ABCB5: variants seen among roughly 807,000 people sequenced by gnomAD.
ABCB5 encodes ATP binding cassette subfamily B member 5, also known as ATP-binding cassette sub-family B member 5.
A neutral mutation model predicts 144.2 loss-of-function variants in ABCB5; 155 were observed. That is an observed-to-expected ratio of 1.08 (90% CI 0.94 to 1.23). The LOEUF (loss-of-function observed/expected upper bound fraction) is 1.23. Ranked by LOEUF, ABCB5 falls within the 50% of genes most tolerant of loss-of-function variation. The pLI is 0.00. For missense variants in ABCB5, 1,830 were observed against 1,520.8 expected, an observed-to-expected ratio of 1.20 and a Z score of -3.38; for synonymous variants, 610 against 528.6, an observed-to-expected ratio of 1.15 and a Z score of -2.11.
chr7:20,670,183 A>G (rs1364327688), intron 14 of ABCB5, among the ~76,000 whole-genome samples: 1 of 152,234 alleles, frequency 6.6e-6, no homozygotes, highest in African/African-American at 2.4e-5. Context: ...TGGGGATCCT[A>G]GAACAGAAAA....
intron 25 of ABCB5, among the ~76,000 whole-genome samples, chr7:20,744,037 T>C (rs1782642773): frequency 6.6e-6 from 1 of 151,976 alleles, no homozygotes; most frequent in Admixed American, 6.6e-5. Context: ...GCTTTTTCTG[T>C]TTTTTGGGGG....
chr7:20,668,255 G>A (rs1267547636), intron 14 of ABCB5, among the ~76,000 whole-genome samples: 3 of 149,172 alleles, frequency 2.0e-5, no homozygotes, highest in South Asian at 2.2e-4. Flanking sequence ...CTGCCCGGCC[G>A]CCATCCCATC....
At position 20,704,628 on chromosome 7, in the gene ABCB5, G is replaced by A. The variant is rs59225988; in HGVS notation, c.2338-96G>A. ...GGAATTAAGTACCTGTGAGTGAGGA[G>A]GCAGGTAAATGTTTTCTGATTTACA... On this transcript the variant is annotated intron_variant, in intron 19 of 27. Transcript: ENST00000404938. 411 of 814,194 alleles carry A rather than the reference G, an allele frequency of 5.0e-4. 2 individuals are homozygous for A. The East Asian group carries it at 0.01, about 20-fold the overall frequency. The allele number at this position is 814,194 out of a possible 1,614,324, so 50.4% of individuals were successfully genotyped here. A position where few individuals can be genotyped will look rare whatever the true frequency, so the allele number is the denominator to read the frequency against.
intron 14 of ABCB5, among the ~76,000 whole-genome samples, chr7:20,678,142 A>T (rs534729461): frequency 2.6e-5 from 4 of 152,226 alleles, no homozygotes; most frequent in Non-Finnish European, 5.9e-5. Flanking sequence ...ATTTCTACAT[A>T]GGTGTCTTTT....
intron 2 of ABCB5, among the ~76,000 whole-genome samples, chr7:20,625,424 G>A (rs1783888266): frequency 1.3e-5 from 2 of 152,108 alleles, no homozygotes; most frequent in African/African-American, 4.8e-5. Context: ...TGTGAAATCA[G>A]TGGATACAAT....
intron 15 of ABCB5, among the ~76,000 whole-genome samples, chr7:20,684,557 T>C (rs1195604867): frequency 3.9e-5 from 6 of 151,936 alleles, no homozygotes; most frequent in African/African-American, 1.5e-4. Context: ...AGTTTAACAC[T>C]AGCTTGGGCA....
intron 14 of ABCB5, among the ~76,000 whole-genome samples, chr7:20,669,723 TAAAAA>T (rs35747177): frequency 1.1e-4 from 7 of 65,584 alleles, no homozygotes; most frequent in Non-Finnish European, 1.9e-4. Context: ...GAATGATCAA[TAAAAA>T]AAAAAAAAAA....
chr7:20,697,836 A>T (rs1384926838), intron 16 of ABCB5, among the ~76,000 whole-genome samples: 1 of 152,246 alleles, frequency 6.6e-6, no homozygotes, highest in African/African-American at 2.4e-5. Context: ...CCCCTTGGAA[A>T]AATGAGGAGA....
chr7:20,682,784 A>G (rs1434289983), intron 15 of ABCB5, among the ~76,000 whole-genome samples: 1 of 152,228 alleles, frequency 6.6e-6, no homozygotes, highest in Non-Finnish European at 1.5e-5. Flanking sequence ...CAGATGGACC[A>G]GAAAGCTCAT....
intron 22 of ABCB5, 32 bp from the exon 23 acceptor site, chr7:20,728,283 C>A: frequency 6.2e-7 from 1 of 1,607,218 alleles, no homozygotes; most frequent in Non-Finnish European, 8.5e-7. Context: ...ATAATTCATG[C>A]CTCATTATTT....
At chr7:20,676,745 G>A (rs1314734946) in intron 14 of ABCB5, among the ~76,000 whole-genome samples, 1 of 152,184 alleles carries the variant, frequency 6.6e-6, no homozygotes, top group Non-Finnish European at 1.5e-5. Context: ...TAGATCTCAT[G>A]TGAAGTGTTC....
In ABCB5 at chr7:20,667,615, G is replaced by A; in HGVS notation, c.1707+8939G>A. On this transcript the variant is annotated intron_variant, in intron 14 of 27. Coordinates refer to ENST00000404938, the MANE Select transcript of ABCB5 (RefSeq NM_001163941.2). ...ATTGAGCTAATGGGTCACATCACGT[G>A]GCTTCATGAATAAGATTTGAGATCT... 3.3e-6 allele frequency: 3 copies of A among 899,992 alleles called. 1 individual carries two copies. Among genetic ancestry groups the A allele is most frequent in the Non-Finnish European group, 4.0e-6 (3 of 752,826 alleles). The allele number at this position is 899,992 out of a possible 1,614,324, so 55.8% of individuals were successfully genotyped here.
intron 14 of ABCB5, chr7:20,666,764 A>T: frequency 6.3e-7 from 1 of 1,599,102 alleles, no homozygotes; most frequent in East Asian, 2.2e-5. Context: ...TCTAGAAAAA[A>T]TAATACAACA....
intron 20 of ABCB5, among the ~76,000 whole-genome samples, chr7:20,720,716 C>A (rs530094009): frequency 6.6e-6 from 1 of 151,974 alleles, no homozygotes; most frequent in East Asian, 1.9e-4. Flanking sequence ...GAGGCCGAGA[C>A]GGGCGGATCA....
intron 23 of ABCB5, among the ~76,000 whole-genome samples, chr7:20,736,881 A>G (rs1247852704): frequency 6.6e-6 from 1 of 152,150 alleles, no homozygotes; most frequent in Non-Finnish European, 1.5e-5. Flanking sequence ...ACCTGGAGAA[A>G]AAGCGTAAAG....
intron 14 of ABCB5, among the ~76,000 whole-genome samples, chr7:20,676,149 C>T (rs939946927): frequency 6.9e-6 from 1 of 145,974 alleles, no homozygotes; most frequent in Non-Finnish European, 1.5e-5. Context: ...CCATGTGACC[C>T]AGCAATTCTA....
intron 23 of ABCB5, among the ~76,000 whole-genome samples, 155 bp from the exon 24 acceptor site, chr7:20,738,828 T>C (rs569286565): frequency 2.0e-5 from 3 of 152,318 alleles, no homozygotes; most frequent in Admixed American, 6.5e-5. Context: ...GGTAGAAATT[T>C]TTTAAAGAGA....
In ABCB5 at chr7:20,689,390, C is replaced by T. The variant is rs1338619079; in HGVS notation, c.2010+3554C>T. On this transcript the variant is annotated intron_variant, in intron 16 of 27. Coordinates refer to ENST00000404938, the MANE Select transcript of ABCB5 (RefSeq NM_001163941.2). ...GTGGCAAGGGAGACCTTCCACAGGA[C>T]GGTGCTGAGCTTCAGAACCTGTCAG... Among the ~76,000 whole-genome samples, 9 of 152,162 alleles carry T rather than the reference C, an allele frequency of 5.9e-5. No homozygotes were observed. The East Asian group carries it at 7.7e-4, about 13-fold the overall frequency.
In ABCB5 at chr7:20,755,514, T is replaced by G. The variant is rs1471407670; in HGVS notation, c.3664T>G (p.Leu1222Val). The part of the protein sequence containing the change: ...HRLSAIQNAD[L>V]IVVLHNGKIK... The stretch of plus-strand genomic sequence containing the variant: ...GCTCTCTGCAATTCAGAACGCAGAT[T>G]TGATAGTGGTTCTGCACAATGGAAA... Residue 1222 changes from leucine to valine, a missense_variant, in exon 28 of 28, where the codon TTG becomes GTG. Coordinates refer to ENST00000404938, the MANE Select transcript of ABCB5 (RefSeq NM_001163941.2). 1.2e-6 allele frequency: 2 copies of G among 1,614,042 alleles called. No individual in the cohort carries two copies. The highest frequency in any genetic ancestry group is 1.7e-6 in the Non-Finnish European group (2 of 1,180,040).
Sources: allele counts gnomAD v4.1 joint callset (sites outside exome capture counted in the v4.1 genomes callset), GRCh38; gene constraint gnomAD v4.1.1; transcripts MANE v1.5; gene names NCBI Gene and HGNC (gene_info 2026-07-23, HGNC 2026-07-21).